SNTG1: variants seen among roughly 807,000 people sequenced by gnomAD.
The protein encoded by SNTG1 is gamma-1-syntrophin.
SNTG1 carries 39 observed loss-of-function variants against 74.7 expected under a neutral mutation model. That is an observed-to-expected ratio of 0.52 (90% CI 0.40 to 0.68). The LOEUF (loss-of-function observed/expected upper bound fraction) is 0.68, where lower values mean the gene tolerates loss of function less well. SNTG1 is among the 30% of genes least tolerant of loss of function. The pLI, the probability that SNTG1 is intolerant of heterozygous loss-of-function variation, is 0.00. For missense variants in SNTG1, 685 were observed against 609.5 expected (o/e 1.12, Z -1.30); for synonymous variants, 254 against 217.1 (o/e 1.17, Z -1.49).
intron 8 of SNTG1, among the ~76,000 whole-genome samples, chr8:50,499,963 TTA>T (rs2093936986): frequency 1.3e-5 from 2 of 152,056 alleles, no homozygotes; most frequent in Admixed American, 6.5e-5. Flanking sequence ...CTGGCTCCTT[TTA>T]AAAGTTTTAA....
chr8:50,129,158 CACTAGAT>C (rs2081237674), intron 1 of SNTG1, among the ~76,000 whole-genome samples: 1 of 152,116 alleles, frequency 6.6e-6, no homozygotes, highest in Admixed American at 6.6e-5. Flanking sequence ...CCAAGCACTA[CACTAGAT>C]ACTAAAGACA....
intron 15 of SNTG1, among the ~76,000 whole-genome samples, chr8:50,673,784 G>T (rs933780399): frequency 3.9e-5 from 6 of 152,050 alleles, no homozygotes; most frequent in Non-Finnish European, 7.4e-5. Context: ...TCCAGCTTTT[G>T]CCCATTCAAT....
At chr8:50,199,676 G>T (rs958107128) in intron 2 of SNTG1, among the ~76,000 whole-genome samples, 1 of 152,256 alleles carries the variant, frequency 6.6e-6, no homozygotes, top group African/African-American at 2.4e-5. Context: ...AGTGCAGGTC[G>T]TCAGCTGCCC....
intron 12 of SNTG1, among the ~76,000 whole-genome samples, chr8:50,559,984 G>A (rs1369330299): frequency 6.6e-6 from 1 of 152,062 alleles, no homozygotes; most frequent in Non-Finnish European, 1.5e-5. Flanking sequence ...ATCTGACAAA[G>A]GCCTAATATC....
intron 1 of SNTG1, among the ~76,000 whole-genome samples, chr8:49,952,149 C>T (rs960160380): frequency 3.0e-4 from 45 of 152,208 alleles, no homozygotes; most frequent in African/African-American, 9.4e-4. Context: ...ACTGCTTTTA[C>T]TGTTTGTCTT....
chr8:50,191,937 G>T (rs980115545), intron 2 of SNTG1, among the ~76,000 whole-genome samples: 2 of 152,168 alleles, frequency 1.3e-5, no homozygotes, highest in East Asian at 1.9e-4. Flanking sequence ...TAAAAACAAA[G>T]AAAAATAGCT....
At chr8:50,472,562 C>T (rs978479365) in intron 8 of SNTG1, among the ~76,000 whole-genome samples, 10 of 151,962 alleles carry the variant, frequency 6.6e-5, no homozygotes, top group African/African-American at 2.4e-4. Flanking sequence ...TAAAAAAATA[C>T]TAAACTCATA....
chr8:50,577,462 T>C (rs1051483638), intron 12 of SNTG1, among the ~76,000 whole-genome samples: 1 of 146,310 alleles, frequency 6.8e-6, no homozygotes, highest in East Asian at 2.0e-4. Flanking sequence ...TTTTTTTTTG[T>C]TTTTTTTTTT....
chr8:50,168,348 A>T (rs972701203), intron 1 of SNTG1, among the ~76,000 whole-genome samples: 1 of 152,192 alleles, frequency 6.6e-6, no homozygotes, highest in African/African-American at 2.4e-5. Flanking sequence ...AGACCAAGTC[A>T]TTCCATTCCT....
chr8:50,676,280 T>C, intron 15 of SNTG1, among the ~76,000 whole-genome samples: 1 of 151,832 alleles, frequency 6.6e-6, no homozygotes, highest in East Asian at 1.9e-4. Flanking sequence ...GGTTTGGACT[T>C]TTTATGAAGT....
chr8:50,103,480 T>C (rs1214677429), intron 1 of SNTG1, among the ~76,000 whole-genome samples: 4 of 152,212 alleles, frequency 2.6e-5, no homozygotes, highest in Admixed American at 2.0e-4. Flanking sequence ...TGGGGTTTTC[T>C]AGATATACAA....
intron 1 of SNTG1, among the ~76,000 whole-genome samples, chr8:50,159,057 G>C (rs180987908): frequency 6.6e-6 from 1 of 152,106 alleles, no homozygotes; most frequent in Admixed American, 6.6e-5. Context: ...CTGATAACTA[G>C]TGGGCGTTGA....
intron 1 of SNTG1, among the ~76,000 whole-genome samples, chr8:49,932,062 A>G (rs2129358238): frequency 6.6e-6 from 1 of 152,266 alleles, no homozygotes; most frequent in Middle Eastern, 3.4e-3. Flanking sequence ...TATACAATTG[A>G]AGCATTAAAA....
At chr8:50,670,903 T>G (rs78271765) in intron 15 of SNTG1, among the ~76,000 whole-genome samples, 31,264 of 151,466 alleles carry the variant, frequency 0.21, 3,441 homozygotes, top group South Asian at 0.31. Context: ...TCTAGAACTA[T>G]CTGATCTTTG....
At chr8:50,054,250 A>T (rs1819837500) in intron 1 of SNTG1, among the ~76,000 whole-genome samples, 1 of 151,994 alleles carries the variant, frequency 6.6e-6, no homozygotes, top group Non-Finnish European at 1.5e-5. Flanking sequence ...TTCTCAGCAA[A>T]TGATGTCATC....
chr8:50,138,145 T>G (rs937555610), intron 1 of SNTG1, among the ~76,000 whole-genome samples: 1 of 152,046 alleles, frequency 6.6e-6, no homozygotes, highest in Admixed American at 6.6e-5. Context: ...ATGACATTAG[T>G]GTGAGGACTT....
chr8:50,583,135 C>T (rs1158648245), intron 12 of SNTG1, among the ~76,000 whole-genome samples: 4 of 152,060 alleles, frequency 2.6e-5, no homozygotes, highest in Non-Finnish European at 5.9e-5. Flanking sequence ...GGCATGGTGG[C>T]TCATGCCTGT....
At chr8:50,389,759 T>A (rs2092628298) in intron 2 of SNTG1, among the ~76,000 whole-genome samples, 1 of 152,232 alleles carries the variant, frequency 6.6e-6, no homozygotes, top group African/African-American at 2.4e-5. Flanking sequence ...TTTCCTGACT[T>A]TTTAATGATC....
chr8:50,287,970 C>T (rs1387693000), intron 2 of SNTG1, among the ~76,000 whole-genome samples: 1 of 152,132 alleles, frequency 6.6e-6, no homozygotes, highest in African/African-American at 2.4e-5. Flanking sequence ...TGAAGCAATT[C>T]TGACTTTCTG....
Sources: allele counts gnomAD v4.1 joint callset (sites outside exome capture counted in the v4.1 genomes callset), GRCh38; gene constraint gnomAD v4.1.1; transcripts MANE v1.5; gene names NCBI Gene and HGNC (gene_info 2026-07-23, HGNC 2026-07-21).